CEP112: variants seen among roughly 807,000 people sequenced by gnomAD.
The protein encoded by CEP112 is centrosomal protein of 112 kDa.
A neutral mutation model predicts 153.0 loss-of-function variants in CEP112; 127 were observed. The observed-to-expected ratio is 0.83, with a 90% CI of 0.72 to 0.96. The LOEUF (loss-of-function observed/expected upper bound fraction) is 0.96, where lower values mean the gene tolerates loss of function less well. Among genes scored for constraint, CEP112 ranks in the 40% least tolerant of loss-of-function variants. The probability of loss-of-function intolerance (pLI) is 0.00; values close to 1 mark genes in which losing one functional copy is unlikely to be tolerated. For synonymous variants in CEP112, 358 were observed against 374.4 expected (o/e 0.96, Z 0.51); for missense variants, 1,089 against 1,101.2 (o/e 0.99, Z 0.16).
intron 12 of CEP112, among the ~76,000 whole-genome samples, chr17:66,042,024 T>A (rs1238564971): frequency 3.3e-5 from 5 of 152,082 alleles, no homozygotes; most frequent in African/African-American, 1.2e-4. Context: ...TGATCAAAAT[T>A]AATATGCACA....
At chr17:65,709,840 C>T (rs191694133) in intron 23 of CEP112, among the ~76,000 whole-genome samples, 81 of 152,310 alleles carry the variant, frequency 5.3e-4, no homozygotes, top group Non-Finnish European at 7.4e-5. Flanking sequence ...ACTGATCTTT[C>T]TTTGCTCTGC....
chr17:65,738,740 G>A (rs770445964), intron 23 of CEP112, among the ~76,000 whole-genome samples: 19 of 152,192 alleles, frequency 1.2e-4, no homozygotes, highest in East Asian at 3.9e-4. Flanking sequence ...CAAATATGCC[G>A]CAATGTTAAT....
intron 6 of CEP112, among the ~76,000 whole-genome samples, chr17:66,114,279 AT>A (rs773140005): frequency 1.1e-4 from 17 of 152,052 alleles, no homozygotes; most frequent in South Asian, 8.3e-4. Flanking sequence ...TATTTTGTTT[AT>A]TTTTTTTAGC....
chr17:65,967,061 G>A (rs958538846), intron 17 of CEP112, among the ~76,000 whole-genome samples: 3 of 152,106 alleles, frequency 2.0e-5, no homozygotes, highest in Non-Finnish European at 1.5e-5. Flanking sequence ...TTATTCTCTC[G>A]CTACTAAGGG....
At position 65,865,859 on chromosome 17, in the gene CEP112, G is replaced by A. The variant is rs1176219904; in HGVS notation, c.2164-13825C>T. Reference sequence around the variant, plus strand: ...CGCGTCACCTGACAGTGGCGGAGCAGCACGGTTGGGCACAGAAGGGTGGAC... The same window carrying A: ...CGCGTCACCTGACAGTGGCGGAGCAACACGGTTGGGCACAGAAGGGTGGAC... On this transcript the variant is annotated intron_variant, in intron 20 of 26. Transcript: ENST00000535342. Among the ~76,000 whole-genome samples, 12 of 152,322 alleles carry A rather than the reference G, an allele frequency of 7.9e-5. No individual in the cohort carries two copies. In the East Asian group the frequency reaches 2.3e-3, roughly 29 times the overall value.
chr17:65,909,590 C>T (rs1039241709), intron 19 of CEP112, among the ~76,000 whole-genome samples: 2 of 152,128 alleles, frequency 1.3e-5, no homozygotes, highest in African/African-American at 4.8e-5. Context: ...CCAAGAGAAA[C>T]CAATGCCTCA....
At chr17:66,025,477 T>C (rs1259194097) in intron 16 of CEP112, among the ~76,000 whole-genome samples, 1 of 151,864 alleles carries the variant, frequency 6.6e-6, no homozygotes, top group Non-Finnish European at 1.5e-5. Context: ...AACCCCATTA[T>C]AAAGTGGACA....
chr17:65,712,098 A>G (rs1221702864), intron 23 of CEP112, among the ~76,000 whole-genome samples: 2 of 152,142 alleles, frequency 1.3e-5, no homozygotes, highest in Non-Finnish European at 2.9e-5. Context: ...CTGCTTGGTC[A>G]GAGGGCACTG....
chr17:65,654,463 G>T (rs1157285743), intron 24 of CEP112, among the ~76,000 whole-genome samples: 2 of 152,210 alleles, frequency 1.3e-5, no homozygotes, highest in African/African-American at 4.8e-5. Context: ...CACCGCAAGG[G>T]AGTGAAGCCT....
At chr17:66,088,787 T>A (rs917524045) in intron 8 of CEP112, among the ~76,000 whole-genome samples, 1 of 152,058 alleles carries the variant, frequency 6.6e-6, no homozygotes, top group African/African-American at 2.4e-5. Flanking sequence ...GAAAATAAGA[T>A]TCCAGGTCCA....
At position 66,130,546 on chromosome 17, in the gene CEP112, C is replaced by T. The variant is rs188849921; in HGVS notation, c.565-723G>A. ...ATCCCAGCACTTTGGGAGGCCGAGG[C>T]GGGCAGATCACGAGGTCAGGAGATC... On this transcript the variant is annotated intron_variant, in intron 5 of 26. Coordinates refer to ENST00000535342, the MANE Select transcript of CEP112 (RefSeq NM_001199165.4). 7.2e-3 allele frequency among the ~76,000 whole-genome samples: 1,091 copies of T among 152,008 alleles called. 7 individuals are homozygous for T. The highest frequency in any genetic ancestry group is 0.011 in the Non-Finnish European group (772 of 67,956).
intron 12 of CEP112, among the ~76,000 whole-genome samples, chr17:66,033,142 G>A (rs1440059550): frequency 6.6e-6 from 1 of 152,162 alleles, no homozygotes; most frequent in Non-Finnish European, 1.5e-5. Flanking sequence ...AGTAAAAACT[G>A]TAAGAGCAAA....
chr17:66,041,039 T>C (rs944503010), intron 12 of CEP112, among the ~76,000 whole-genome samples: 2 of 151,882 alleles, frequency 1.3e-5, no homozygotes, highest in East Asian at 3.9e-4. Flanking sequence ...ATTTTTTCTA[T>C]ATGAATATTC....
At chr17:65,933,846 T>C (rs2061212777) in intron 18 of CEP112, among the ~76,000 whole-genome samples, 2 of 152,190 alleles carry the variant, frequency 1.3e-5, no homozygotes, top group Non-Finnish European at 2.9e-5. Flanking sequence ...TTATCTCTAG[T>C]ATGATGCTTA....
At chr17:65,826,876 G>T (rs1043080126) in intron 21 of CEP112, among the ~76,000 whole-genome samples, 2 of 152,186 alleles carry the variant, frequency 1.3e-5, no homozygotes, top group Non-Finnish European at 2.9e-5. Context: ...GTCCCTGGGT[G>T]TGTCTGTGAG....
chr17:66,103,620 T>G (rs990478780), intron 6 of CEP112, among the ~76,000 whole-genome samples: 6 of 151,796 alleles, frequency 4.0e-5, no homozygotes, highest in Admixed American at 2.0e-4. Context: ...AGCATGAACA[T>G]CAAATTGAAC....
Position 65,834,248 on chromosome 17 carries a change from C to T in CEP112, c.2394+17556G>A, listed in dbSNP as rs556963302. Among the ~76,000 whole-genome samples, 13 of 152,142 alleles carry T rather than the reference C, an allele frequency of 8.5e-5. No homozygotes were observed. The South Asian group carries it at 2.7e-3, about 32-fold the overall frequency. The stretch of plus-strand genomic sequence containing the variant: ...TGTAAAACCTATAACTATAAAAACC[C>T]TGGAAGACAATCTAAGCATTACCAT... On this transcript the variant is annotated intron_variant, in intron 21 of 26. Coordinates refer to ENST00000535342, the MANE Select transcript of CEP112 (RefSeq NM_001199165.4).
chr17:66,015,899 T>C (rs1000632997), intron 16 of CEP112, among the ~76,000 whole-genome samples: 1 of 152,210 alleles, frequency 6.6e-6, no homozygotes, highest in Non-Finnish European at 1.5e-5. Context: ...TTTTCTGCCT[T>C]AATATCACCT....
At chr17:65,647,961 G>T (rs1359506319) in intron 24 of CEP112, among the ~76,000 whole-genome samples, 1 of 152,062 alleles carries the variant, frequency 6.6e-6, no homozygotes, top group Non-Finnish European at 1.5e-5. Flanking sequence ...TAAGCAATGG[G>T]TTTGATGGAC....
Sources: allele counts gnomAD v4.1 joint callset (sites outside exome capture counted in the v4.1 genomes callset), GRCh38; gene constraint gnomAD v4.1.1; transcripts MANE v1.5; gene names NCBI Gene and HGNC (gene_info 2026-07-23, HGNC 2026-07-21).